The following SPI1 variants were observed in gnomAD, a reference collection of about 807,000 sequenced individuals.
The protein encoded by SPI1 is transcription factor PU.1.
A neutral mutation model predicts 30.7 loss-of-function variants in SPI1; 3 were observed. The observed-to-expected ratio is 0.10, with a 90% CI of 0.04 to 0.25. The LOEUF is 0.25. Among genes scored for constraint, SPI1 ranks in the 10% least tolerant of loss-of-function variants. The probability of loss-of-function intolerance (pLI) is 1.00; values close to 1 mark genes in which losing one functional copy is unlikely to be tolerated. For synonymous variants in SPI1, 169 were observed against 157.1 expected, an observed-to-expected ratio of 1.08 and a Z score of -0.56; for missense variants, 261 against 371.5, an observed-to-expected ratio of 0.70 and a Z score of 2.45.
intron 2 of SPI1, among the ~76,000 whole-genome samples, chr11:47,366,005 G>T (rs527803941): frequency 6.6e-6 from 1 of 152,184 alleles, no homozygotes; most frequent in South Asian, 2.1e-4. Context: ...AACACTGAGA[G>T]ATTTTAATGA....
intron 2 of SPI1, among the ~76,000 whole-genome samples, chr11:47,372,099 C>G (rs1429829085): frequency 6.6e-6 from 1 of 151,490 alleles, no homozygotes; most frequent in Non-Finnish European, 1.5e-5. Context: ...GTCTCTTTGT[C>G]TGATTCTTTT....
intron 2 of SPI1, among the ~76,000 whole-genome samples, chr11:47,363,520 CA>C (rs983485913): frequency 3.9e-4 from 55 of 142,720 alleles, no homozygotes; most frequent in Middle Eastern, 3.5e-3. Flanking sequence ...GACTCCATCT[CA>C]AAAAAAAAAA....
intron 2 of SPI1, among the ~76,000 whole-genome samples, chr11:47,361,871 G>A (rs904598016): frequency 2.7e-5 from 4 of 149,486 alleles, no homozygotes; most frequent in Non-Finnish European, 5.9e-5. Context: ...TTTTCTCCCG[G>A]AGCCTCTCAT....
In SPI1 at chr11:47,374,328, C is replaced by T. The variant is rs2095939610; in HGVS notation, c.142+1305G>A. Among the ~76,000 whole-genome samples the T allele has an allele frequency of 6.6e-6, 1 of 152,168 alleles. No homozygotes were observed. On this transcript the variant is annotated intron_variant, in intron 2 of 4. Transcript: ENST00000378538. This position sits in a 1 kb window ranked among gnomAD's most constrained non-coding sequence, Gnocchi z 4.5. ...GGAATTAAAAAGGATATTTTAAAGG[C>T]TTTCTAGCCCTGAAAGATTCTAAAA...
chr11:47,366,927 A>G (rs751468580), intron 2 of SPI1, among the ~76,000 whole-genome samples: 2 of 152,238 alleles, frequency 1.3e-5, no homozygotes, highest in African/African-American at 4.8e-5. Context: ...TAATTATTAG[A>G]GTTTTAATTC....
chr11:47,372,673 C>A (rs1470369439), intron 2 of SPI1, among the ~76,000 whole-genome samples: 1 of 152,232 alleles, frequency 6.6e-6, no homozygotes, highest in East Asian at 1.9e-4. Flanking sequence ...TGGTCTCTCA[C>A]AGAGCCCTCT....
chr11:47,355,651 G>T, intron 4 of SPI1, 105 bp from the exon 5 acceptor site: 4 of 1,027,190 alleles, frequency 3.9e-6, no homozygotes, highest in South Asian at 1.7e-5. Context: ...GGCCGGGAAG[G>T]GCAGGGGAAC....
chr11:47,375,994 C>T lies in SPI1; in HGVS notation c.46-265G>A, dbSNP rs372081980. The stretch of plus-strand genomic sequence containing the variant: ...TGGGCTACTCCCCATAGCCACCTCA[C>T]GCTCACACTCACACTCACGCCTGTG... On this transcript the variant is annotated intron_variant, in intron 1 of 4. Coordinates refer to ENST00000378538, the MANE Select transcript of SPI1 (RefSeq NM_003120.3). The surrounding 1 kb of genome is among the most constrained non-coding windows in gnomAD (Gnocchi z 4.2). 1.3e-5 allele frequency among the ~76,000 whole-genome samples: 2 copies of T among 151,968 alleles called. No individual in the cohort carries two copies. The highest frequency in any genetic ancestry group is 1.9e-4 in the East Asian group (1 of 5,158).
At chr11:47,357,334 CCTG>C (rs1017733910) in intron 4 of SPI1, among the ~76,000 whole-genome samples, 2 of 114,144 alleles carry the variant, frequency 1.8e-5, no homozygotes, top group South Asian at 3.2e-4. Flanking sequence ...CTCATTGACA[CCTG>C]CTCACTCATA....
intron 2 of SPI1, among the ~76,000 whole-genome samples, chr11:47,360,723 G>A (rs1234476164): frequency 1.3e-5 from 2 of 151,838 alleles, no homozygotes; most frequent in Non-Finnish European, 1.5e-5. Context: ...TACTCAGGAG[G>A]CTGAGGCAGG....
chr11:47,373,075 G>A (rs1043979963), intron 2 of SPI1, among the ~76,000 whole-genome samples: 18 of 152,202 alleles, frequency 1.2e-4, no homozygotes, highest in African/African-American at 3.4e-4. Context: ...CAGCCCGGCC[G>A]GGCGCAGTGG....
chr11:47,359,013 G>A lies in SPI1; in HGVS notation c.331-7C>T, dbSNP rs759952647. 83 of 1,521,062 alleles carry A rather than the reference G, an allele frequency of 5.5e-5. No homozygotes were observed. Among genetic ancestry groups the A allele is most frequent in the Admixed American group, 3.8e-4 (17 of 44,978 alleles). 94.2% of individuals were successfully genotyped at this position (1,521,062 alleles called of 1,614,324 possible). ...TCCGGGGCAGGTAGGAGACCTGGACGGTGGGGGAAGGAGATCAGAGTCAGG... is the reference window on the plus strand; with the variant it reads ...TCCGGGGCAGGTAGGAGACCTGGACAGTGGGGGAAGGAGATCAGAGTCAGG... On this transcript the variant is annotated splice_region_variant and splice_polypyrimidine_tract_variant and intron_variant, in intron 3 of 4. Coordinates refer to ENST00000378538, the MANE Select transcript of SPI1 (RefSeq NM_003120.3). This position sits in a 1 kb window ranked among gnomAD's most constrained non-coding sequence, Gnocchi z 5.1.
intron 2 of SPI1, among the ~76,000 whole-genome samples, chr11:47,361,108 G>A (rs764399136): frequency 3.4e-4 from 51 of 152,122 alleles, no homozygotes; most frequent in Middle Eastern, 3.4e-3. Flanking sequence ...GCGACGGAGC[G>A]AGACTCCGTC....
At chr11:47,362,984 G>A (rs1396615464) in intron 2 of SPI1, among the ~76,000 whole-genome samples, 2 of 151,898 alleles carry the variant, frequency 1.3e-5, no homozygotes, top group African/African-American at 4.8e-5. Context: ...CAAGCATAGA[G>A]CAAATGCTTT....
rs139122680 is a variant in SPI1 at position 47,356,400 on chromosome 11, C to G, written c.494-854G>C. On this transcript the variant is annotated intron_variant, in intron 4 of 4. Coordinates refer to ENST00000378538, the MANE Select transcript of SPI1 (RefSeq NM_003120.3). ...CACCTCATTCACACCCACTCACATG[C>G]ACACTCACACCCACCCAATGCACCC... 4.3e-4 allele frequency among the ~76,000 whole-genome samples: 65 copies of G among 150,742 alleles called. 2 individuals are homozygous for G. The highest frequency in any genetic ancestry group is 1.5e-3 in the African/African-American group (60 of 41,016).
chr11:47,366,914 T>C (rs1181430010), intron 2 of SPI1, among the ~76,000 whole-genome samples: 1 of 152,252 alleles, frequency 6.6e-6, no homozygotes, highest in African/African-American at 2.4e-5. Context: ...CTACCTTGGA[T>C]TCTAATTATT....
chr11:47,373,682 C>T (rs1442513912), intron 2 of SPI1, among the ~76,000 whole-genome samples: 1 of 151,824 alleles, frequency 6.6e-6, no homozygotes, highest in East Asian at 1.9e-4. Flanking sequence ...GCCCAAATGC[C>T]CTGATTGGCA....
chr11:47,364,217 T>C (rs1159437150), intron 2 of SPI1, among the ~76,000 whole-genome samples: 2 of 151,634 alleles, frequency 1.3e-5, no homozygotes, highest in Non-Finnish European at 2.9e-5. Context: ...GCCCGGCTAA[T>C]TTTTTCTATT....
chr11:47,377,674 A>T (rs1018935680), intron 1 of SPI1, among the ~76,000 whole-genome samples: 1 of 151,596 alleles, frequency 6.6e-6, no homozygotes, highest in African/African-American at 2.4e-5. Flanking sequence ...CCTCTCCCTG[A>T]ACTCCAGCCC....
Sources: gnomAD v4.1 joint callset for allele counts (sites outside exome capture counted in the v4.1 genomes callset) on GRCh38, gnomAD v4.1.1 for gene constraint, Gnocchi (gnomAD v3.1) non-coding constraint, MANE v1.5 for transcripts, NCBI Gene and HGNC (gene_info 2026-07-23, HGNC 2026-07-21) for gene names.